Variants in MAMDC2 observed in about 807,000 individuals in gnomAD.
MAMDC2 encodes MAM domain-containing protein 2.
MAMDC2 carries 57 observed loss-of-function variants against 89.8 expected under a neutral mutation model. The observed-to-expected ratio is 0.63, with a 90% confidence interval of 0.51 to 0.79. The LOEUF (loss-of-function observed/expected upper bound fraction) is 0.79. Ranked by LOEUF, MAMDC2 falls within the 30% of genes least tolerant of loss-of-function variation. MAMDC2 has a pLI of 0.00. For synonymous variants in MAMDC2, 313 were observed against 293.4 expected (o/e 1.07, Z -0.68); for missense variants, 800 against 820.6 (o/e 0.97, Z 0.31).
chr9:70,132,417 T>C (rs2030844599), intron 7 of MAMDC2, among the ~76,000 whole-genome samples: 1 of 152,186 alleles, frequency 6.6e-6, no homozygotes, highest in African/African-American at 2.4e-5. Context: ...TTCTTGGTTA[T>C]GTAGCATGGA....
intron 11 of MAMDC2, 194 bp downstream of exon 11, chr9:70,170,825 T>C (rs1462609153): frequency 6.2e-6 from 3 of 484,676 alleles, no homozygotes; most frequent in African/African-American, 2.0e-5. Context: ...ACATTGCTTA[T>C]GTACATTGCT....
At chr9:70,221,380 T>TATAGAG in intron 12 of MAMDC2, among the ~76,000 whole-genome samples, 1 of 7,044 alleles carries the variant, frequency 1.4e-4, no homozygotes, top group African/African-American at 4.4e-4. Context: ...TATATATATA[T>TATAGAG]AGAGAGAGAG....
intron 11 of MAMDC2, among the ~76,000 whole-genome samples, chr9:70,196,432 T>C (rs2032976652): frequency 6.6e-6 from 1 of 152,068 alleles, no homozygotes; most frequent in African/African-American, 2.4e-5. Context: ...AAAGAAAACA[T>C]GTTCCAATTG....
chr9:70,071,765 T>C (rs569393935), intron 2 of MAMDC2: 14 of 151,944 alleles, frequency 9.2e-5, no homozygotes, highest in African/African-American at 2.9e-4. Flanking sequence ...AGACAATATT[T>C]AAAAAAAATT....
At chr9:70,143,507 T>C (rs781479284) in intron 8 of MAMDC2, 47 bp from the exon 9 acceptor site, 53 of 1,597,998 alleles carry the variant, frequency 3.3e-5, no homozygotes, top group Non-Finnish European at 4.4e-5. Context: ...CTTGCTAATC[T>C]AGATTAGATT....
chr9:70,212,301 G>T (rs1256775627), intron 11 of MAMDC2, among the ~76,000 whole-genome samples: 1 of 152,250 alleles, frequency 6.6e-6, no homozygotes, highest in African/African-American at 2.4e-5. Flanking sequence ...TGGCCGCTTT[G>T]TGTACCTACT....
intron 9 of MAMDC2, among the ~76,000 whole-genome samples, chr9:70,165,252 C>T (rs1165634115): frequency 6.6e-6 from 1 of 152,214 alleles, no homozygotes; most frequent in African/African-American, 2.4e-5. Flanking sequence ...ACCAGGCCCA[C>T]TCATCCGCTT....
At position 70,217,619 on chromosome 9, in the gene MAMDC2, T is replaced by C. The variant is rs1160933741; in HGVS notation, c.1652-718T>C. 6 of 1,610,718 alleles carry C rather than the reference T, an allele frequency of 3.7e-6. No homozygotes were observed. The East Asian group carries it at 1.1e-4, about 30-fold the overall frequency. On this transcript the variant is annotated intron_variant, in intron 11 of 13. Transcript: ENST00000377182. ...ACAAAGGCAGCACCTAAGCAAAAGA[T>C]TGTGAAGCCTGTGAAAGTTTCAGCT...
chr9:70,182,489 C>A (rs1200620521), intron 11 of MAMDC2, among the ~76,000 whole-genome samples: 1 of 151,958 alleles, frequency 6.6e-6, no homozygotes, highest in Non-Finnish European at 1.5e-5. Flanking sequence ...TGGTCCTGGG[C>A]TTTTTTTGGT....
intron 11 of MAMDC2, among the ~76,000 whole-genome samples, chr9:70,184,137 T>G (rs1004689361): frequency 6.6e-6 from 1 of 152,220 alleles, no homozygotes; most frequent in Non-Finnish European, 1.5e-5. Flanking sequence ...CCTTCACTTA[T>G]GAAGCTTAGT....
intron 11 of MAMDC2, among the ~76,000 whole-genome samples, chr9:70,184,434 C>G (rs990496435): frequency 7.9e-5 from 12 of 152,080 alleles, no homozygotes; most frequent in African/African-American, 2.7e-4. Context: ...GCCTGTCTTG[C>G]TAGGTTGGGG....
intron 12 of MAMDC2, among the ~76,000 whole-genome samples, chr9:70,223,899 C>G (rs2118703594): frequency 6.6e-6 from 1 of 152,194 alleles, no homozygotes; most frequent in South Asian, 2.1e-4. Context: ...AGGGGGAAAT[C>G]ATAGTACTAT....
At chr9:70,168,889 C>A in intron 10 of MAMDC2, 94 bp downstream of exon 10, 2 of 1,065,602 alleles carry the variant, frequency 1.9e-6, no homozygotes, top group South Asian at 1.4e-5. Context: ...CTGTGCTAGT[C>A]CATCCTTTGC....
intron 5 of MAMDC2, among the ~76,000 whole-genome samples, chr9:70,117,805 C>T (rs2030079180): frequency 1.3e-5 from 2 of 152,118 alleles, no homozygotes. Flanking sequence ...TTCTTTATTT[C>T]AGGATTTCTC....
intron 9 of MAMDC2, among the ~76,000 whole-genome samples, chr9:70,167,931 C>T (rs527307838): frequency 6.6e-6 from 1 of 152,234 alleles, no homozygotes; most frequent in Admixed American, 6.5e-5. Context: ...ACTTTGTTCA[C>T]AATGTGAATG....
At chr9:70,156,841 T>C (rs2031780588) in intron 9 of MAMDC2, among the ~76,000 whole-genome samples, 1 of 152,226 alleles carries the variant, frequency 6.6e-6, no homozygotes, top group Non-Finnish European at 1.5e-5. Context: ...TTTCATTTCC[T>C]TTCAGTTATT....
Position 70,217,249 on chromosome 9 carries a change from A to T in MAMDC2, c.1652-1088A>T, listed in dbSNP as rs759136623. 2.2e-4 allele frequency: 202 copies of T among 903,922 alleles called. 1 individual carries two copies. Among genetic ancestry groups the T allele is most frequent in the Non-Finnish European group, 3.3e-4 (176 of 533,970 alleles). 56.0% of individuals were successfully genotyped at this position (903,922 alleles called of 1,614,324 possible). On this transcript the variant is annotated intron_variant, in intron 11 of 13. Coordinates refer to ENST00000377182, the MANE Select transcript of MAMDC2 (RefSeq NM_153267.5). ...GTACAAGATCTACCCGGGACAGGGG[A>T]GGCACTACGCCAGGACCGACGGGAA...
intron 11 of MAMDC2, among the ~76,000 whole-genome samples, chr9:70,212,432 A>G (rs1185755097): frequency 6.6e-6 from 1 of 152,238 alleles, no homozygotes; most frequent in East Asian, 1.9e-4. Flanking sequence ...TGAGCCAGGC[A>G]CGGGATATAA....
At chr9:70,050,799 C>G (rs960082076) in intron 2 of MAMDC2, among the ~76,000 whole-genome samples, 5 of 152,148 alleles carry the variant, frequency 3.3e-5, no homozygotes, top group Non-Finnish European at 7.4e-5. Flanking sequence ...AGAGAAAGAA[C>G]CTTACTTTTC....
Sources: allele counts gnomAD v4.1 joint callset (sites outside exome capture counted in the v4.1 genomes callset), GRCh38; gene constraint gnomAD v4.1.1; transcripts MANE v1.5; gene names NCBI Gene and HGNC (gene_info 2026-07-23, HGNC 2026-07-21).